The following ZNF718 variants were observed in gnomAD, a reference collection of about 807,000 sequenced individuals.
The protein encoded by ZNF718 is zinc finger protein 718.
In ZNF718, 3 loss-of-function variants were observed where a neutral mutation model predicts 2.6. That is an observed-to-expected ratio of 1.16 (90% CI 0.53 to 3.01). The LOEUF (loss-of-function observed/expected upper bound fraction) is 3.01, where lower values mean the gene tolerates loss of function less well. Ranked by LOEUF, ZNF718 falls within the 30% of genes most tolerant of loss-of-function variation. The probability of loss-of-function intolerance (pLI) is 0.03; values close to 1 mark genes in which losing one functional copy is unlikely to be tolerated. For missense variants in ZNF718, 468 were observed against 230.0 expected (o/e 2.03, Z -6.69); for synonymous variants, 135 against 77.9 (o/e 1.73, Z -3.86).
chr4:124,546 G>A lies in ZNF718; in HGVS notation c.-125G>A. On this transcript the variant is annotated 5_prime_UTR_variant, in exon 1 of 4. Coordinates refer to ENST00000510175, the MANE Select transcript of ZNF718 (RefSeq NM_001039127.6). ...GCCAGAGCTCGGTTAGGGCCTCATC[G>A]CTCTGCTCCCGCTCCTTAGGGAAGC... 2 of 1,408,218 alleles carry A rather than the reference G, an allele frequency of 1.4e-6. No homozygotes were observed. Among genetic ancestry groups the A allele is most frequent in the Non-Finnish European group, 2.0e-6 (2 of 1,011,022 alleles). The allele number at this position is 1,408,218 out of a possible 1,614,324, so 87.2% of individuals were successfully genotyped here. A position where few individuals can be genotyped will look rare whatever the true frequency, so the allele number is the denominator to read the frequency against.
intron 3 of ZNF718, among the ~76,000 whole-genome samples, chr4:151,140 T>TC (rs1413495229): frequency 6.6e-6 from 1 of 152,214 alleles, no homozygotes; most frequent in African/African-American, 2.4e-5. Context: ...TCTTACTCTG[T>TC]CACCCAGGCT....
intron 3 of ZNF718, among the ~76,000 whole-genome samples, chr4:139,186 G>T (rs1715703246): frequency 6.6e-6 from 1 of 152,176 alleles, no homozygotes; most frequent in Non-Finnish European, 1.5e-5. Context: ...TATTACTCAA[G>T]ACATCTTTGT....
chr4:196,018 CCCCTCTCTCTCT>C (rs1303699823), intron 3 of ZNF718, among the ~76,000 whole-genome samples: 5 of 151,854 alleles, frequency 3.3e-5, no homozygotes, highest in Non-Finnish European at 1.5e-5. Flanking sequence ...CTCTCTCTCT[CCCCTCTCTCTCT>C]CCCTCTCTCT....
In ZNF718 at chr4:161,604, G is replaced by A. The variant is rs782450159; in HGVS notation, c.919G>A (p.Gly307Arg). ...TAATGAACATAAGAGAATTCATGCT[G>A]GAGAGAAACCCTTCTCATGCGAAGA... ...SLNEHKRIHA[G>R]EKPFSCEECG... is the part of the protein sequence containing the mutation. Residue 307 changes from glycine to arginine, a missense_variant, in exon 4 of 4, where the codon GGA (glycine) becomes AGA (arginine). Transcript: ENST00000510175. 2 of 780,366 alleles carry A rather than the reference G, an allele frequency of 2.6e-6. No individual in the cohort carries two copies. The highest frequency in any genetic ancestry group is 3.4e-5 in the Admixed American group (2 of 58,896). 48.3% of individuals were successfully genotyped at this position (780,366 alleles called of 1,614,324 possible).
At chr4:168,231 G>A (rs1426306136), downstream of ZNF718, among the ~76,000 whole-genome samples, 1 of 152,212 alleles carries the variant, frequency 6.6e-6, no homozygotes, top group Non-Finnish European at 1.5e-5. Context: ...GCTTCTTGAT[G>A]TGCTGCTGGA....
chr4:151,461 TTTTG>T lies in ZNF718; in HGVS notation c.227-9447_227-9444del, dbSNP rs1553812527. Among the ~76,000 whole-genome samples the T allele has an allele frequency of 1.7e-3, 14 of 8,454 alleles. No individual in the cohort carries two copies. In the South Asian group the frequency reaches 0.038, roughly 23 times the overall value. The allele number at this position is 8,454 out of a possible 152,430, so 5.5% of individuals were successfully genotyped here. ...AGTCATTCTCACTGGAGTAATGTTTTTTTGTTTTGTTTTGTTTTGTTTTGTTTTG... is the reference window on the plus strand; with the variant it reads ...AGTCATTCTCACTGGAGTAATGTTTTTTTTGTTTTGTTTTGTTTTGTTTTG... On this transcript the variant is annotated intron_variant, in intron 3 of 3. Transcript: ENST00000510175.
At chr4:191,628 A>G (rs1313568292) in intron 3 of ZNF718, among the ~76,000 whole-genome samples, 1 of 152,208 alleles carries the variant, frequency 6.6e-6, no homozygotes, top group Non-Finnish European at 1.5e-5. Context: ...AACCAAAACC[A>G]GAAAAATAAA....
chr4:150,499 C>T (rs7667654), intron 3 of ZNF718, among the ~76,000 whole-genome samples: 27 of 152,004 alleles, frequency 1.8e-4, no homozygotes, highest in Non-Finnish European at 2.9e-4. Context: ...GTAAGATCAT[C>T]TGGTACTTGT....
chr4:172,530 G>C (rs572261813), intron 3 of ZNF718, among the ~76,000 whole-genome samples: 1 of 151,970 alleles, frequency 6.6e-6, no homozygotes, highest in Non-Finnish European at 1.5e-5. Context: ...CAATAACATA[G>C]GTACTTATTT....
Position 161,086 on chromosome 4 carries a change from G to A in ZNF718, c.401G>A (p.Cys134Tyr), listed in dbSNP as rs782690238. 3 of 775,660 alleles carry A rather than the reference G, an allele frequency of 3.9e-6. No individual in the cohort carries two copies. The South Asian group carries it at 4.0e-5, about 10-fold the overall frequency. The allele number at this position is 775,660 out of a possible 1,614,324, so 48.0% of individuals were successfully genotyped here. ...GGTGGTTATAATAGAATTAACCAATGCTTATTAACTACCCAGAAAAAAACA... is the reference window on the plus strand; with the variant it reads ...GGTGGTTATAATAGAATTAACCAATACTTATTAACTACCCAGAAAAAAACA... ...QKGGYNRINQ[C>Y]LLTTQKKTIQ... Residue 134 changes from cysteine to tyrosine, a missense_variant, in exon 4 of 4, where the codon TGC becomes TAC. By Grantham distance (194) the Cys-to-Tyr change is radical. Transcript: ENST00000510175.
intron 3 of ZNF718, among the ~76,000 whole-genome samples, chr4:148,914 T>G (rs1169781535): frequency 6.6e-6 from 1 of 152,198 alleles, no homozygotes; most frequent in Non-Finnish European, 1.5e-5. Flanking sequence ...TTATTCATAT[T>G]TCATTCGGTA....
intron 3 of ZNF718, among the ~76,000 whole-genome samples, chr4:193,106 C>T (rs1553821476): frequency 6.6e-6 from 1 of 152,160 alleles, no homozygotes; most frequent in East Asian, 1.9e-4. Context: ...CATTCTATTT[C>T]TTCTGCTGAG....
rs781873820 is a variant in ZNF718 at position 161,828 on chromosome 4, C to G, written c.1143C>G (p.Thr381=). The stretch of plus-strand genomic sequence containing the variant: ...GAAAAGCCTTTAATTGGTCCTCAAC[C>G]CTTAATGTACACAAGAGAATTCACT... ...ECGKAFNWSS[T]LNVHKRIHSG... is the part of the protein sequence containing the mutation. The change falls in exon 4 of 4, where the codon ACC becomes ACG. Residue 381 remains threonine, a synonymous_variant. Transcript: ENST00000510175. The G allele has an allele frequency of 1.3e-6, 1 of 780,752 alleles. No individual in the cohort carries two copies. Among genetic ancestry groups the G allele is most frequent in the South Asian group, 1.3e-5 (1 of 74,608 alleles). The allele number at this position is 780,752 out of a possible 1,614,324, so 48.4% of individuals were successfully genotyped here.
At chr4:167,706 C>T (rs1482183931), downstream of ZNF718, among the ~76,000 whole-genome samples, 1 of 152,078 alleles carries the variant, frequency 6.6e-6, no homozygotes, top group Non-Finnish European at 1.5e-5. Flanking sequence ...ATTTTGTGTC[C>T]TGAGACTTTG....
intron 3 of ZNF718, among the ~76,000 whole-genome samples, chr4:159,203 T>G (rs1716717417): frequency 6.6e-6 from 1 of 151,640 alleles, no homozygotes; most frequent in South Asian, 2.1e-4. Flanking sequence ...ACCTGGCTAA[T>G]TTTTTTGTAT....
intron 3 of ZNF718, among the ~76,000 whole-genome samples, chr4:153,519 CATA>C (rs1400284883): frequency 1.3e-5 from 2 of 152,138 alleles, no homozygotes; most frequent in Middle Eastern, 3.4e-3. Flanking sequence ...TAGCAACTTT[CATA>C]ATAATTTTTC....
chr4:172,659 C>T (rs1717262250), intron 3 of ZNF718, among the ~76,000 whole-genome samples: 1 of 152,140 alleles, frequency 6.6e-6, no homozygotes, highest in South Asian at 2.1e-4. Context: ...TAAACACCTT[C>T]TTCAAACAAA....
intron 3 of ZNF718, among the ~76,000 whole-genome samples, chr4:157,182 A>T (rs192020995): frequency 7.6e-6 from 1 of 131,522 alleles, no homozygotes; most frequent in Admixed American, 8.8e-5. Flanking sequence ...GTGCAATCTC[A>T]GTTCACTGCA....
chr4:138,621 T>C (rs1715678383), intron 3 of ZNF718, among the ~76,000 whole-genome samples: 1 of 152,118 alleles, frequency 6.6e-6, no homozygotes, highest in Non-Finnish European at 1.5e-5. Context: ...ATGTCCTGAT[T>C]TCCTTTCTTT....
Sources: gnomAD v4.1 joint callset for allele counts (sites outside exome capture counted in the v4.1 genomes callset) on GRCh38, gnomAD v4.1.1 for gene constraint, MANE v1.5 for transcripts, NCBI Gene and HGNC (gene_info 2026-07-23, HGNC 2026-07-21) for gene names.